Variants in IL1RAPL1 observed in about 807,000 individuals in gnomAD.
The protein encoded by IL1RAPL1 is interleukin 1 receptor accessory protein like 1.
A neutral mutation model predicts 48.4 loss-of-function variants in IL1RAPL1; 3 were observed. The observed-to-expected ratio is 0.06, with a 90% CI of 0.03 to 0.16. The LOEUF is 0.16. Ranked by LOEUF, IL1RAPL1 falls within the 10% of genes least tolerant of loss-of-function variation. The probability of loss-of-function intolerance (pLI) is 1.00; values close to 1 mark genes in which losing one functional copy is unlikely to be tolerated. For synonymous variants in IL1RAPL1, 185 were observed against 187.7 expected (o/e 0.99, Z 0.12); for missense variants, 349 against 530.6 (o/e 0.66, Z 3.36).
chrX:29,830,967 C>T (rs754745063), intron 6 of IL1RAPL1, among the ~76,000 whole-genome samples: 3 of 111,251 alleles, frequency 2.7e-5, no homozygotes, highest in Non-Finnish European at 3.8e-5. Flanking sequence ...TTAGGAGATG[C>T]GTTTTGGAAA....
chrX:28,825,598 A>G (rs967233850), intron 2 of IL1RAPL1, among the ~76,000 whole-genome samples: 1 of 111,278 alleles, frequency 9.0e-6, no homozygotes, highest in African/African-American at 3.3e-5. Flanking sequence ...TACACTCAAG[A>G]GGATAAATTA....
rs1923299095 is a variant in IL1RAPL1 at position 29,589,506 on chromosome X, AT to A, written c.704-78923del. Reference sequence around the variant, plus strand: ...CTCTTGATTTTTGGTATAAAATGTTATGTAGCATGACAGAATAAAGTTGATT... The same window carrying A: ...CTCTTGATTTTTGGTATAAAATGTTAGTAGCATGACAGAATAAAGTTGATT... On this transcript the variant is annotated intron_variant, in intron 5 of 10. Coordinates refer to ENST00000378993, the MANE Select transcript of IL1RAPL1 (RefSeq NM_014271.4). Among the ~76,000 whole-genome samples, 4 of 111,424 alleles carry A rather than the reference AT, an allele frequency of 3.6e-5. No homozygotes were observed. The South Asian group carries it at 1.5e-3, about 41-fold the overall frequency.
chrX:29,673,324 T>C (rs1042086987), intron 6 of IL1RAPL1, among the ~76,000 whole-genome samples: 1 of 111,837 alleles, frequency 8.9e-6, no homozygotes, highest in Admixed American at 9.5e-5. Flanking sequence ...TACTGTTGAG[T>C]CTAAACATTA....
intron 5 of IL1RAPL1, among the ~76,000 whole-genome samples, chrX:29,628,704 T>C (rs1340017596): frequency 8.9e-6 from 1 of 112,250 alleles, no homozygotes; most frequent in Non-Finnish European, 1.9e-5. Context: ...TTTCTTTCTA[T>C]CCCGTTGGGT....
chrX:29,525,127 T>G (rs1243781007), intron 5 of IL1RAPL1, among the ~76,000 whole-genome samples: 1 of 112,245 alleles, frequency 8.9e-6, no homozygotes, highest in Non-Finnish European at 1.9e-5. Flanking sequence ...CAAGTACACT[T>G]GAAGTTCCCA....
At chrX:29,889,634 T>C (rs1932235710) in intron 6 of IL1RAPL1, among the ~76,000 whole-genome samples, 1 of 112,093 alleles carries the variant, frequency 8.9e-6, no homozygotes, top group Admixed American at 9.5e-5. Context: ...CATACATACA[T>C]GTGTGTATAC....
At chrX:29,393,810 A>G (rs766124019) in intron 3 of IL1RAPL1, among the ~76,000 whole-genome samples, 1 of 110,383 alleles carries the variant, frequency 9.1e-6, no homozygotes, top group East Asian at 2.8e-4. Flanking sequence ...TGTGCCCTAA[A>G]ATAGTTAATA....
chrX:29,731,500 G>A (rs1927917920), intron 6 of IL1RAPL1, among the ~76,000 whole-genome samples: 1 of 112,216 alleles, frequency 8.9e-6, no homozygotes, highest in African/African-American at 3.2e-5. Context: ...TGATCTAGGT[G>A]TCTATCTGGC....
intron 5 of IL1RAPL1, among the ~76,000 whole-genome samples, chrX:29,475,490 G>T (rs765340432): frequency 1.8e-4 from 20 of 111,948 alleles, no homozygotes; most frequent in Non-Finnish European, 3.2e-4. Context: ...CTCCCTGTGA[G>T]CCTGTAGATA....
chrX:28,873,043 G>A (rs1434994460), intron 2 of IL1RAPL1, among the ~76,000 whole-genome samples: 4 of 106,391 alleles, frequency 3.8e-5, no homozygotes, highest in Non-Finnish European at 7.7e-5. Context: ...TGTTTTTCTT[G>A]TAGTTAGATG....
chrX:28,683,377 G>A (rs939659297), intron 1 of IL1RAPL1, among the ~76,000 whole-genome samples: 2 of 110,754 alleles, frequency 1.8e-5, no homozygotes, highest in East Asian at 5.6e-4. Flanking sequence ...TCCAAGAAGG[G>A]GAAAGGTAGG....
At chrX:29,495,142 A>T (rs1823462848) in intron 5 of IL1RAPL1, among the ~76,000 whole-genome samples, 1 of 112,189 alleles carries the variant, frequency 8.9e-6, no homozygotes, top group African/African-American at 3.2e-5. Flanking sequence ...TAATGATATT[A>T]GTTGCAAATG....
chrX:28,847,097 C>G (rs1368771468), intron 2 of IL1RAPL1, among the ~76,000 whole-genome samples: 5 of 111,465 alleles, frequency 4.5e-5, no homozygotes, highest in African/African-American at 6.5e-5. Flanking sequence ...ACTTTTTCTC[C>G]CACACCTGAC....
At chrX:28,684,674 C>T (rs1436610635) in intron 1 of IL1RAPL1, among the ~76,000 whole-genome samples, 1 of 111,647 alleles carries the variant, frequency 9.0e-6, no homozygotes, top group Non-Finnish European at 1.9e-5. Flanking sequence ...AATGGTTGTT[C>T]AGCAGTCCAT....
intron 1 of IL1RAPL1, among the ~76,000 whole-genome samples, chrX:28,712,742 TAAG>T (rs957032073): frequency 9.0e-6 from 1 of 111,228 alleles, no homozygotes; most frequent in African/African-American, 3.3e-5. Context: ...GGAACAATAA[TAAG>T]AACCCAAACC....
chrX:29,619,409 G>A (rs1924391726), intron 5 of IL1RAPL1, among the ~76,000 whole-genome samples: 1 of 111,524 alleles, frequency 9.0e-6, no homozygotes, highest in African/African-American at 3.3e-5. Flanking sequence ...ATTTAAACAA[G>A]CTTATTGCAT....
intron 1 of IL1RAPL1, among the ~76,000 whole-genome samples, chrX:28,741,238 G>T (rs1396003192): frequency 6.3e-5 from 7 of 111,341 alleles, no homozygotes; most frequent in Non-Finnish European, 5.7e-5. Context: ...TCATTCTGAT[G>T]GGTGTGAGAT....
intron 6 of IL1RAPL1, among the ~76,000 whole-genome samples, chrX:29,818,408 A>T (rs1735945028): frequency 9.0e-6 from 1 of 111,266 alleles, no homozygotes; most frequent in Admixed American, 9.5e-5. Flanking sequence ...GGCCCACTCA[A>T]CACCCCTTTC....
intron 5 of IL1RAPL1, among the ~76,000 whole-genome samples, chrX:29,608,706 G>A (rs1320971685): frequency 2.0e-5 from 2 of 99,463 alleles, no homozygotes; most frequent in African/African-American, 3.9e-5. Flanking sequence ...GGCGCCTGTA[G>A]TCTCAGCTAC....
Sources: gnomAD v4.1 joint callset for allele counts (sites outside exome capture counted in the v4.1 genomes callset) on GRCh38, gnomAD v4.1.1 for gene constraint, MANE v1.5 for transcripts, NCBI Gene and HGNC (gene_info 2026-07-23, HGNC 2026-07-21) for gene names.